The following KCNIP4 variants were observed in gnomAD, a reference collection of about 807,000 sequenced individuals.
The protein encoded by KCNIP4 is Kv channel-interacting protein 4.
KCNIP4 carries 12 observed loss-of-function variants against 34.0 expected under a neutral mutation model. The ratio of observed to expected loss-of-function variants is 0.35; its 90% CI spans 0.23 to 0.57. The LOEUF (loss-of-function observed/expected upper bound fraction) is 0.57, where lower values mean the gene tolerates loss of function less well. KCNIP4 is among the 20% of genes least tolerant of loss of function. KCNIP4 has a pLI of 0.83. For synonymous variants in KCNIP4, 124 were observed against 102.2 expected (o/e 1.21, Z -1.29); for missense variants, 238 against 311.7 (o/e 0.76, Z 1.78).
intron 1 of KCNIP4, among the ~76,000 whole-genome samples, chr4:20,967,091 A>G (rs1734426507): frequency 1.3e-5 from 2 of 152,178 alleles, no homozygotes; most frequent in African/African-American, 4.8e-5. Flanking sequence ...GTATTAAGTC[A>G]TAAAAGGACC....
At chr4:21,605,159 A>T (rs1394342272) in intron 1 of KCNIP4, among the ~76,000 whole-genome samples, 1 of 152,222 alleles carries the variant, frequency 6.6e-6, no homozygotes, top group East Asian at 1.9e-4. Context: ...AGGATGACAT[A>T]AACATGAACA....
At chr4:21,673,863 T>A (rs1338558394) in intron 1 of KCNIP4, among the ~76,000 whole-genome samples, 1 of 152,212 alleles carries the variant, frequency 6.6e-6, no homozygotes, top group Non-Finnish European at 1.5e-5. Context: ...TATGACTGAC[T>A]TGTAGTCAGC....
chr4:21,482,004 T>G (rs1731469728), intron 1 of KCNIP4, among the ~76,000 whole-genome samples: 1 of 152,106 alleles, frequency 6.6e-6, no homozygotes, highest in Non-Finnish European at 1.5e-5. Flanking sequence ...CTGTATTGGG[T>G]GCATATATAT....
chr4:21,813,083 C>T (rs552229470), intron 1 of KCNIP4, among the ~76,000 whole-genome samples: 3 of 152,140 alleles, frequency 2.0e-5, no homozygotes, highest in African/African-American at 7.2e-5. Context: ...CCATAATCTG[C>T]AAAGTTTCCT....
chr4:21,606,033 A>T (rs896790329), intron 1 of KCNIP4, among the ~76,000 whole-genome samples: 13 of 152,102 alleles, frequency 8.5e-5, no homozygotes, highest in Non-Finnish European at 1.6e-4. Flanking sequence ...AAGAATGAGA[A>T]ATGCCCTAAG....
chr4:20,954,768 A>G (rs1025641632), intron 1 of KCNIP4, among the ~76,000 whole-genome samples: 2 of 152,198 alleles, frequency 1.3e-5, no homozygotes, highest in Admixed American at 6.5e-5. Flanking sequence ...TTGGCAGCCA[A>G]TTAGCTACAG....
intron 1 of KCNIP4, among the ~76,000 whole-genome samples, chr4:21,941,176 A>G (rs142197046): frequency 0.013 from 2,039 of 152,318 alleles, 40 homozygotes; most frequent in African/African-American, 0.046. Flanking sequence ...ACCCAATATT[A>G]TCATGAAACT....
chr4:21,362,045 G>C (rs1017376125), intron 1 of KCNIP4, among the ~76,000 whole-genome samples: 3 of 152,042 alleles, frequency 2.0e-5, no homozygotes, highest in Non-Finnish European at 2.9e-5. Flanking sequence ...GGGTAAGCAA[G>C]ACAGTACCCA....
At chr4:21,070,910 C>T (rs898876757) in intron 1 of KCNIP4, among the ~76,000 whole-genome samples, 2 of 151,790 alleles carry the variant, frequency 1.3e-5, no homozygotes, top group Non-Finnish European at 2.9e-5. Flanking sequence ...CTCCTGACCT[C>T]GTGATCTGCC....
chr4:21,282,127 AG>A (rs1248383885), intron 1 of KCNIP4, among the ~76,000 whole-genome samples: 2 of 152,238 alleles, frequency 1.3e-5, no homozygotes, highest in Non-Finnish European at 2.9e-5. Context: ...TTCTCAGTTT[AG>A]GTAAAGCTTA....
At chr4:21,402,903 C>T (rs369866101) in intron 1 of KCNIP4, among the ~76,000 whole-genome samples, 51 of 152,296 alleles carry the variant, frequency 3.3e-4, no homozygotes, top group East Asian at 2.7e-3. Context: ...TGGGTCCCCT[C>T]ATCCCTGTGT....
chr4:20,981,453 C>A (rs1449855837), intron 1 of KCNIP4, among the ~76,000 whole-genome samples: 1 of 152,096 alleles, frequency 6.6e-6, no homozygotes, highest in Non-Finnish European at 1.5e-5. Context: ...CAGAAAATTC[C>A]CATGTGCATT....
chr4:21,308,222 G>C (rs1003215920), intron 1 of KCNIP4, among the ~76,000 whole-genome samples: 1 of 152,168 alleles, frequency 6.6e-6, no homozygotes, highest in African/African-American at 2.4e-5. Context: ...TCCTCGTTTG[G>C]ATTACTTAAA....
intron 1 of KCNIP4, among the ~76,000 whole-genome samples, chr4:20,908,024 C>T (rs1727949557): frequency 2.0e-5 from 3 of 151,792 alleles, no homozygotes; most frequent in East Asian, 1.9e-4. Context: ...TGTGTACCAA[C>T]TTGAGGTATT....
At chr4:21,642,298 C>T (rs1340840180) in intron 1 of KCNIP4, among the ~76,000 whole-genome samples, 1 of 151,392 alleles carries the variant, frequency 6.6e-6, no homozygotes. Context: ...TGAGACAGTA[C>T]CTTGCAGAGC....
chr4:21,426,189 G>T (rs560029111), intron 1 of KCNIP4, among the ~76,000 whole-genome samples: 4 of 152,150 alleles, frequency 2.6e-5, no homozygotes, highest in East Asian at 1.9e-4. Flanking sequence ...AGGCACAAAA[G>T]ACCACTTTAT....
intron 1 of KCNIP4, among the ~76,000 whole-genome samples, chr4:21,893,906 C>T (rs1459632034): frequency 6.6e-6 from 1 of 152,120 alleles, no homozygotes; most frequent in Non-Finnish European, 1.5e-5. Flanking sequence ...TCCCTTACTT[C>T]CTGCTTTAGG....
intron 1 of KCNIP4, among the ~76,000 whole-genome samples, chr4:21,346,489 C>T (rs16870886): frequency 0.033 from 4,940 of 150,648 alleles, 210 homozygotes; most frequent in East Asian, 0.2. Context: ...TTCAAACTCA[C>T]ACTAACAAAT....
At chr4:21,546,331 T>G (rs1007593213) in intron 1 of KCNIP4, among the ~76,000 whole-genome samples, 6 of 152,098 alleles carry the variant, frequency 3.9e-5, no homozygotes, top group African/African-American at 1.2e-4. Context: ...AGATTTATAT[T>G]GAATGGGTAG....
Sources: gnomAD v4.1 joint callset for allele counts (sites outside exome capture counted in the v4.1 genomes callset) on GRCh38, gnomAD v4.1.1 for gene constraint, MANE v1.5 for transcripts, NCBI Gene and HGNC (gene_info 2026-07-23, HGNC 2026-07-21) for gene names.